The following C6orf120 variants were observed in gnomAD, a reference collection of about 807,000 sequenced individuals.
C6orf120 encodes the protein UPF0669 protein C6orf120.
For synonymous variants in C6orf120, 165 were observed against 123.1 expected (o/e 1.34, Z -2.25); for missense variants, 311 against 264.2 (o/e 1.18, Z -1.23).
In C6orf120 at chr6:169,702,813, C is replaced by CT; in HGVS notation, c.355dup (p.Tyr119LeufsTer63). The CT allele has an allele frequency of 6.2e-7, 1 of 1,612,862 alleles. No homozygotes were observed. Among genetic ancestry groups the CT allele is most frequent in the Non-Finnish European group, 8.5e-7 (1 of 1,179,968 alleles). On this transcript the variant is annotated frameshift_variant, in exon 1 of 1. Transcript: ENST00000332290. LOFTEE classifies it low-confidence loss of function (END_TRUNC). ...TCCGGCGCCCAGTGGGCATCGGCGT[C>CT]TATGGACACCCCTCCCACCTGGAGA...
In C6orf120 at chr6:169,702,595, C is replaced by T; in HGVS notation, c.136C>T (p.Gln46Ter). 6.2e-7 allele frequency: 1 copy of T among 1,613,306 alleles called. No individual in the cohort carries two copies. Among genetic ancestry groups the T allele is most frequent in the Non-Finnish European group, 8.5e-7 (1 of 1,179,958 alleles). The change falls in exon 1 of 1, where the codon CAG becomes TAG. Residue 46 changes from glutamine (Q) to a stop codon, truncating the protein, a stop_gained. Transcript: ENST00000332290. LOFTEE classifies it low-confidence loss of function (END_TRUNC). Reference sequence around the variant, plus strand: ...GGAGTGGGTGCTCCTGCACGTCGTCCAGGGCCAGATAGGCGCCGGGAACTA... The same window carrying T: ...GGAGTGGGTGCTCCTGCACGTCGTCTAGGGCCAGATAGGCGCCGGGAACTA...
chr6:169,702,808 G>A lies in C6orf120; in HGVS notation c.349G>A (p.Gly117Ser), dbSNP rs769426531. The change falls in exon 1 of 1, where the codon GGC (glycine) becomes AGC (serine). Residue 117 changes from glycine (G) to serine (S), a missense_variant. Coordinates refer to ENST00000332290, the Ensembl canonical transcript of C6orf120. ...GCACTTCCGGCGCCCAGTGGGCATC[G>A]GCGTCTATGGACACCCCTCCCACCT... 3 of 1,612,860 alleles carry A rather than the reference G, an allele frequency of 1.9e-6. No individual in the cohort carries two copies. The South Asian group carries it at 3.3e-5, about 18-fold the overall frequency.
exon 1 of C6orf120, chr6:169,702,267 G>A: frequency 4.3e-6 from 3 of 691,876 alleles, no homozygotes; most frequent in South Asian, 3.0e-5. Flanking sequence ...CCGCGCTACG[G>A]GGGAGGGGTT....
At chr6:169,702,606 A>G (rs1360761732) in exon 1 of C6orf120, 4 of 1,613,206 alleles carry the variant, frequency 2.5e-6, no homozygotes, top group Non-Finnish European at 3.4e-6. Flanking sequence ...AGGGCCAGAT[A>G]GGCGCCGGGA....
At chr6:169,703,166 T>C in exon 1 of C6orf120, 1 of 1,010,940 alleles carries the variant, frequency 9.9e-7, no homozygotes, top group East Asian at 2.6e-5. Flanking sequence ...AATAAAGCCA[T>C]ACGCAGTTTT....
downstream of C6orf120, chr6:169,705,092 C>T (rs1266059873): frequency 6.8e-7 from 1 of 1,467,808 alleles, no homozygotes; most frequent in Non-Finnish European, 9.3e-7. Flanking sequence ...GGGAGAGTCT[C>T]ATCACCCAAA....
At chr6:169,703,232 C>T (rs1788536440) in exon 1 of C6orf120, 1 of 627,160 alleles carries the variant, frequency 1.6e-6, no homozygotes, top group Non-Finnish European at 2.8e-6. Flanking sequence ...TTTTAAAGAT[C>T]ATAATTCCTA....
At chr6:169,702,189 G>A (rs753234322), upstream of C6orf120, 5 of 669,206 alleles carry the variant, frequency 7.5e-6, no homozygotes, top group Non-Finnish European at 1.4e-5. Context: ...CCCCTGCGGG[G>A]AGTGGTGGTG....
downstream of C6orf120, chr6:169,705,123 T>C (rs755407943): frequency 6.3e-6 from 10 of 1,580,864 alleles, no homozygotes. Flanking sequence ...GCTCTTTTTT[T>C]AATCTTTACC....
chr6:169,705,618 C>G (rs1194830437), downstream of C6orf120: 3 of 1,363,810 alleles, frequency 2.2e-6, no homozygotes, highest in African/African-American at 4.3e-5. Context: ...ATACTTACCA[C>G]TATTCTCACA....
At chr6:169,705,696 C>G, downstream of C6orf120, 1 of 1,584,856 alleles carries the variant, frequency 6.3e-7, no homozygotes, top group Non-Finnish European at 8.7e-7. Flanking sequence ...CAGACAAATT[C>G]CACATATAGC....
chr6:169,704,007 C>T, exon 1 of C6orf120: 1 of 1,598,146 alleles, frequency 6.3e-7, no homozygotes, highest in Non-Finnish European at 8.5e-7. Context: ...ACTATTTTAT[C>T]CCTCTTTGCT....
exon 1 of C6orf120, chr6:169,702,916 G>A (rs1413100354): frequency 1.9e-6 from 3 of 1,612,700 alleles, no homozygotes; most frequent in South Asian, 1.1e-5. Context: ...CCCCGCCGAC[G>A]GCGCAGATGC....
chr6:169,702,342 C>T (rs1788337459), exon 1 of C6orf120: 4 of 654,708 alleles, frequency 6.1e-6, no homozygotes, highest in Non-Finnish European at 1.0e-5. Flanking sequence ...ACAGACCAGG[C>T]GCCTGGACGC....
At chr6:169,702,339 A>G in exon 1 of C6orf120, 2 of 650,360 alleles carry the variant, frequency 3.1e-6, no homozygotes, top group Non-Finnish European at 2.6e-6. Flanking sequence ...GCGACAGACC[A>G]GGCGCCTGGA....
chr6:169,702,172 G>A (rs536635998), upstream of C6orf120: 733 of 647,544 alleles, frequency 1.1e-3, 1 homozygote, highest in Non-Finnish European at 1.5e-3. Context: ...GATGTATAAA[G>A]CGCGGCCCCC....
At chr6:169,703,824 A>C (rs1474924174) in exon 1 of C6orf120, 1 of 568,220 alleles carries the variant, frequency 1.8e-6, no homozygotes, top group African/African-American at 2.0e-5. Context: ...AATACTTTGG[A>C]AGATGAATTC....
exon 1 of C6orf120, chr6:169,703,495 AC>A (rs1372756154): frequency 4.8e-6 from 1 of 208,992 alleles, no homozygotes; most frequent in Non-Finnish European, 1.1e-5. Flanking sequence ...TCATGCCTGT[AC>A]CCCAAGTAGG....
chr6:169,704,492 G>C (rs573750100), exon 1 of C6orf120: 1 of 187,712 alleles, frequency 5.3e-6, no homozygotes, highest in East Asian at 1.6e-4. Context: ...GGTGTACTCT[G>C]CTGACAGCAC....
Sources: gnomAD v4.1 joint callset for allele counts on GRCh38, gnomAD v4.1.1 for gene constraint, MANE v1.5 for transcripts, NCBI Gene and HGNC (gene_info 2026-07-23, HGNC 2026-07-21) for gene names.